Variants in RALYL observed in about 807,000 individuals in gnomAD.
RALYL encodes the protein RNA-binding Raly-like protein.
A neutral mutation model predicts 35.1 loss-of-function variants in RALYL; 29 were observed. The ratio of observed to expected loss-of-function variants is 0.83; its 90% CI spans 0.61 to 1.13. The LOEUF (loss-of-function observed/expected upper bound fraction) is 1.13, where lower values mean the gene tolerates loss of function less well. Among genes scored for constraint, RALYL ranks in the 50% most tolerant of loss-of-function variants. The pLI, the probability that RALYL is intolerant of heterozygous loss-of-function variation, is 0.00. For missense variants in RALYL, 359 were observed against 360.4 expected (o/e 1.00, Z 0.03); for synonymous variants, 120 against 127.6 (o/e 0.94, Z 0.40).
chr8:84,399,461 A>T (rs1468077046), intron 1 of RALYL, among the ~76,000 whole-genome samples: 1 of 152,204 alleles, frequency 6.6e-6, no homozygotes, highest in Non-Finnish European at 1.5e-5. Context: ...GCAATATGAA[A>T]TGGTGGATAC....
chr8:84,372,890 T>TTTTTTTTTTGTTTTG (rs1856107342), intron 1 of RALYL, among the ~76,000 whole-genome samples: 8 of 111,730 alleles, frequency 7.2e-5, no homozygotes, highest in Non-Finnish European at 1.3e-4. Context: ...GCATCTGTTT[T>TTTTTTTTTTGTTTTG]TTTTTTTTTT....
At chr8:84,277,271 CA>C (rs1445478127) in intron 1 of RALYL, among the ~76,000 whole-genome samples, 1 of 152,114 alleles carries the variant, frequency 6.6e-6, no homozygotes, top group Non-Finnish European at 1.5e-5. Flanking sequence ...AGGCCTTGTG[CA>C]GGGGAGCTCC....
At chr8:84,456,568 A>C (rs2050164038) in intron 1 of RALYL, among the ~76,000 whole-genome samples, 2 of 151,994 alleles carry the variant, frequency 1.3e-5, no homozygotes, top group Admixed American at 1.3e-4. Flanking sequence ...TGAATGATTC[A>C]TTGTCTGTCA....
In RALYL at chr8:84,575,131, AAT is replaced by A. The variant is rs1475360748; in HGVS notation, c.256+45557_256+45558del. Among the ~76,000 whole-genome samples the A allele has an allele frequency of 3.9e-5, 6 of 152,190 alleles. 1 individual carries two copies. Among genetic ancestry groups the A allele is most frequent in the African/African-American group, 9.6e-5 (4 of 41,458 alleles). Reference sequence around the variant, plus strand: ...TTTTTATTCTGCAATAGAAATTAAAAATATGTCTTTTCTATTTATTTCAGTGC... The same window carrying A: ...TTTTTATTCTGCAATAGAAATTAAAAATGTCTTTTCTATTTATTTCAGTGC... On this transcript the variant is annotated intron_variant, in intron 2 of 8. Coordinates refer to ENST00000521268, the MANE Select transcript of RALYL (RefSeq NM_173848.7).
chr8:84,854,568 C>T (rs1197774463), intron 5 of RALYL, among the ~76,000 whole-genome samples: 1 of 152,180 alleles, frequency 6.6e-6, no homozygotes, highest in Non-Finnish European at 1.5e-5. Flanking sequence ...TCACACTTGC[C>T]TGCAGAGAGC....
At position 84,585,927 on chromosome 8, in the gene RALYL, T is replaced by C. The variant is rs574119550; in HGVS notation, c.256+56350T>C. Among the ~76,000 whole-genome samples the C allele has an allele frequency of 2.1e-4, 32 of 152,192 alleles. 2 individuals carry two copies. In the South Asian group the frequency reaches 6.4e-3, roughly 31 times the overall value. On this transcript the variant is annotated intron_variant, in intron 2 of 8. Transcript: ENST00000521268. ...AAACGTGATGTTTGGCCAGGTGCGGTGGCTCATGCTTGTAATCCCAGTACT... is the reference window on the plus strand; with the variant it reads ...AAACGTGATGTTTGGCCAGGTGCGGCGGCTCATGCTTGTAATCCCAGTACT...
chr8:84,780,472 T>C (rs983803778), intron 3 of RALYL, among the ~76,000 whole-genome samples: 27 of 152,334 alleles, frequency 1.8e-4, no homozygotes, highest in African/African-American at 6.5e-4. Context: ...ATCTGGGTAA[T>C]TGAGGGAGAG....
intron 2 of RALYL, among the ~76,000 whole-genome samples, chr8:84,621,962 C>T (rs1232086475): frequency 1.3e-5 from 2 of 152,136 alleles, no homozygotes; most frequent in African/African-American, 4.8e-5. Flanking sequence ...TTGCTAATTA[C>T]AAGGTGACAT....
At chr8:84,913,032 A>ATGGG (rs567355226) in intron 8 of RALYL, among the ~76,000 whole-genome samples, 90 of 109,132 alleles carry the variant, frequency 8.2e-4, no homozygotes, top group East Asian at 3.8e-3. Flanking sequence ...GGATGGATGG[A>ATGGG]TAGGTAGGTA....
At chr8:84,385,331 C>A (rs979123370) in intron 1 of RALYL, among the ~76,000 whole-genome samples, 2 of 151,630 alleles carry the variant, frequency 1.3e-5, no homozygotes, top group African/African-American at 4.8e-5. Flanking sequence ...TTTAGAGCAA[C>A]CCAAATTTCA....
intron 1 of RALYL, among the ~76,000 whole-genome samples, chr8:84,202,496 C>A (rs1316383968): frequency 6.6e-6 from 1 of 151,530 alleles, no homozygotes; most frequent in Admixed American, 6.6e-5. Flanking sequence ...CTCAGCCTCC[C>A]GAGTGGCTGG....
At chr8:84,683,555 T>A (rs1178796097) in intron 2 of RALYL, among the ~76,000 whole-genome samples, 1 of 152,142 alleles carries the variant, frequency 6.6e-6, no homozygotes, top group Non-Finnish European at 1.5e-5. Context: ...GATTCATACT[T>A]GTTCAATGGA....
intron 1 of RALYL, among the ~76,000 whole-genome samples, chr8:84,418,408 G>A (rs1280482234): frequency 6.6e-6 from 1 of 152,048 alleles, no homozygotes; most frequent in Admixed American, 6.6e-5. Context: ...TATTACAAAT[G>A]TCTATGACAA....
In RALYL at chr8:84,692,039, T is replaced by TA. The variant is rs890799903; in HGVS notation, c.257-82532dup. 8.6e-5 allele frequency among the ~76,000 whole-genome samples: 13 copies of TA among 151,974 alleles called. No individual in the cohort carries two copies. In the South Asian group the frequency reaches 1.0e-3, roughly 12 times the overall value. ...AAATTCAATATCCAATCATGATTTT[T>TA]AAAAAAAACTTTGGAAAATCAAAAT... On this transcript the variant is annotated intron_variant, in intron 2 of 8. Coordinates refer to ENST00000521268, the MANE Select transcript of RALYL (RefSeq NM_173848.7).
chr8:84,492,956 G>T (rs371436557), intron 1 of RALYL, among the ~76,000 whole-genome samples: 1 of 151,898 alleles, frequency 6.6e-6, no homozygotes. Context: ...AGAATGTGCA[G>T]GTTTGTTACA....
intron 4 of RALYL, among the ~76,000 whole-genome samples, chr8:84,812,172 C>T (rs1175157449): frequency 1.3e-5 from 2 of 151,990 alleles, no homozygotes; most frequent in Admixed American, 1.3e-4. Flanking sequence ...TGTCCAGATT[C>T]TTTTGTCCCA....
chr8:84,329,138 G>A (rs1846358847), intron 1 of RALYL, among the ~76,000 whole-genome samples: 1 of 152,056 alleles, frequency 6.6e-6, no homozygotes, highest in Non-Finnish European at 1.5e-5. Flanking sequence ...GGGATTGTTG[G>A]GTCAAATGGG....
intron 1 of RALYL, among the ~76,000 whole-genome samples, chr8:84,470,298 A>T (rs1283863434): frequency 6.6e-6 from 1 of 152,206 alleles, no homozygotes; most frequent in African/African-American, 2.4e-5. Flanking sequence ...TCATTTTTGG[A>T]AATATTTTTC....
At chr8:84,748,065 T>G (rs1236360636) in intron 2 of RALYL, among the ~76,000 whole-genome samples, 5 of 151,990 alleles carry the variant, frequency 3.3e-5, no homozygotes, top group Admixed American at 6.6e-5. Flanking sequence ...AAACTGCTTT[T>G]AGCTGTTTGG....
Sources: gnomAD v4.1 joint callset for allele counts (sites outside exome capture counted in the v4.1 genomes callset) on GRCh38, gnomAD v4.1.1 for gene constraint, MANE v1.5 for transcripts, NCBI Gene and HGNC (gene_info 2026-07-23, HGNC 2026-07-21) for gene names.